Variants in TG observed in about 807,000 individuals in gnomAD.
TG encodes thyroglobulin, also known as thyroid hormones.
TG carries 270 observed loss-of-function variants against 324.7 expected under a neutral mutation model. That is an observed-to-expected ratio of 0.83 (90% CI 0.75 to 0.92). The LOEUF (loss-of-function observed/expected upper bound fraction) is 0.92, where lower values mean the gene tolerates loss of function less well. TG is among the 40% of genes least tolerant of loss of function. The probability of loss-of-function intolerance (pLI) is 0.00; values close to 1 mark genes in which losing one functional copy is unlikely to be tolerated. For missense variants in TG, 3,591 were observed against 3,456.4 expected (o/e 1.04, Z -0.98); for synonymous variants, 1,401 against 1,327.0 (o/e 1.06, Z -1.21).
intron 21 of TG, 81 bp from the exon 22 acceptor site, chr8:132,923,257 C>A: frequency 6.6e-7 from 1 of 1,507,674 alleles, no homozygotes; most frequent in Non-Finnish European, 9.2e-7. Context: ...GACACCTTGT[C>A]AATGACCGAG....
At chr8:133,070,944 A>G (rs963513708) in intron 41 of TG, among the ~76,000 whole-genome samples, 1 of 152,160 alleles carries the variant, frequency 6.6e-6, no homozygotes, top group Non-Finnish European at 1.5e-5. Flanking sequence ...TGTTTCCCCT[A>G]ATTTTATCTA....
At position 132,963,010 on chromosome 8, in the gene TG, T is replaced by C; in HGVS notation, c.5484T>C (p.Ser1828=). Residue 1828 remains serine, a synonymous_variant, in exon 29 of 48, where the codon TCT becomes TCC. Coordinates refer to ENST00000220616, the MANE Select transcript of TG (RefSeq NM_003235.5). The part of the protein sequence containing the change: ...VYLWKDSDMG[S]RPESMGCRKD... ...TCCTCCTAGATTCTGACATGGGGTC[T>C]CGGCCTGAGTCTATGGGATGTAGAA... is the stretch of plus-strand genomic sequence containing the variant. 2.5e-6 allele frequency: 4 copies of C among 1,613,988 alleles called. No individual in the cohort carries two copies. Among genetic ancestry groups the C allele is most frequent in the Non-Finnish European group, 3.4e-6 (4 of 1,179,904 alleles).
At position 132,871,527 on chromosome 8, in the gene TG, C is replaced by T. The variant is rs372138161; in HGVS notation, c.454C>T (p.Arg152Cys). ...AGAGGGGATGGAGGTGTATGGGACC[C>T]GCCAGCTGGGGAGGCCAAAGCGATG... ...DAEGMEVYGT[R>C]QLGRPKRCPR... The change falls in exon 4 of 48, where the codon CGC becomes TGC. Residue 152 changes from arginine (R) to cysteine (C), a missense_variant. Coordinates refer to ENST00000220616, the MANE Select transcript of TG (RefSeq NM_003235.5). The T allele has an allele frequency of 3.4e-5, 55 of 1,613,852 alleles. No homozygotes were observed. Among genetic ancestry groups the T allele is most frequent in the Middle Eastern group, 1.6e-4 (1 of 6,084 alleles).
chr8:132,941,824 G>A (rs186186863), intron 26 of TG, among the ~76,000 whole-genome samples: 17 of 152,294 alleles, frequency 1.1e-4, no homozygotes, highest in African/African-American at 4.1e-4. Context: ...GAGAAACTAA[G>A]GCTCAGATAA....
At chr8:133,116,790 C>T (rs1850730979) in intron 45 of TG, 74 bp downstream of exon 45, 3 of 1,202,144 alleles carry the variant, frequency 2.5e-6, no homozygotes, top group Non-Finnish European at 3.7e-6. Flanking sequence ...ACATGGGACA[C>T]ACCACTTAAC....
chr8:133,118,206 G>C (rs1039000434), intron 45 of TG, among the ~76,000 whole-genome samples: 4 of 151,744 alleles, frequency 2.6e-5, no homozygotes, highest in Non-Finnish European at 5.9e-5. Context: ...CCACCTTCCT[G>C]CCATTCCCCA....
chr8:133,068,832 C>T (rs147946818), intron 41 of TG, among the ~76,000 whole-genome samples: 1,845 of 152,380 alleles, frequency 0.012, 22 homozygotes, highest in Non-Finnish European at 0.018. Flanking sequence ...ACAGAGGCCC[C>T]CAACACAGGG....
At chr8:132,867,484 C>T (rs1839045369) in intron 1 of TG, among the ~76,000 whole-genome samples, 1 of 150,830 alleles carries the variant, frequency 6.6e-6, no homozygotes, top group Non-Finnish European at 1.5e-5. Context: ...TTGGCTCAGC[C>T]ACTTACCCAT....
intron 34 of TG, among the ~76,000 whole-genome samples, chr8:132,978,940 C>A (rs1019947013): frequency 3.9e-5 from 6 of 152,214 alleles, no homozygotes; most frequent in Non-Finnish European, 7.3e-5. Flanking sequence ...AAAGAGCCTG[C>A]AGCCATGGGC....
intron 26 of TG, among the ~76,000 whole-genome samples, chr8:132,947,381 A>G (rs998789975): frequency 2.6e-5 from 4 of 152,176 alleles, no homozygotes; most frequent in African/African-American, 9.7e-5. Flanking sequence ...TTCAGAAACC[A>G]CCATATGAGA....
At chr8:132,960,903 G>T (rs767861703) in intron 27 of TG, 105 bp from the exon 28 acceptor site, 35 of 1,149,028 alleles carry the variant, frequency 3.0e-5, no homozygotes, top group Non-Finnish European at 4.6e-5. Context: ...AGAGTTTTCA[G>T]GCCTAGGAAG....
chr8:132,901,435 G>A lies in TG; in HGVS notation c.3516G>A (p.Glu1172=). The A allele has an allele frequency of 4.3e-6, 7 of 1,614,256 alleles. No individual in the cohort carries two copies. The highest frequency in any genetic ancestry group is 5.9e-6 in the Non-Finnish European group (7 of 1,180,056). The part of the protein sequence containing the change: ...SPGYVPACRA[E]DGGFSPVQCD... Reference sequence around the variant, plus strand: ...GCTATGTCCCAGCCTGCAGGGCAGAGGATGGGGGCTTTTCCCCAGTGCAAT... The same window carrying A: ...GCTATGTCCCAGCCTGCAGGGCAGAAGATGGGGGCTTTTCCCCAGTGCAAT... Residue 1172 remains glutamate (E), a synonymous_variant, in exon 16 of 48, where the codon GAG becomes GAA. Coordinates refer to ENST00000220616, the MANE Select transcript of TG (RefSeq NM_003235.5).
In TG at chr8:133,096,442, G is replaced by T. The variant is rs1257693101; in HGVS notation, c.7572+69G>T. 3 of 1,576,374 alleles carry T rather than the reference G, an allele frequency of 1.9e-6. No homozygotes were observed. The African/African-American group carries it at 4.1e-5, about 21-fold the overall frequency. ...CTAAGGGCTCTGGACCTCAATGTCT[G>T]ACTTGATCAAGAGATATTGACCAAT... On this transcript the variant is annotated intron_variant, in intron 43 of 47. Transcript: ENST00000220616.
chr8:132,972,925 CAAAG>C (rs1020583535), intron 34 of TG, among the ~76,000 whole-genome samples, 184 bp downstream of exon 34: 3 of 152,102 alleles, frequency 2.0e-5, no homozygotes, highest in Admixed American at 6.5e-5. Flanking sequence ...CTCATTGACT[CAAAG>C]GAAGGATGAG....
At chr8:133,028,949 C>T (rs1372176733) in intron 40 of TG, among the ~76,000 whole-genome samples, 4 of 152,078 alleles carry the variant, frequency 2.6e-5, no homozygotes, top group African/African-American at 7.2e-5. Context: ...TGGGCTGGGC[C>T]GCTGACACAC....
chr8:133,110,519 A>AT (rs762379902), intron 43 of TG, among the ~76,000 whole-genome samples: 78 of 152,344 alleles, frequency 5.1e-4, no homozygotes, highest in Non-Finnish European at 1.0e-3. Flanking sequence ...TACACATAGC[A>AT]TTTTTTAAAT....
At chr8:133,108,060 C>T (rs1564199346) in intron 43 of TG, among the ~76,000 whole-genome samples, 1 of 148,426 alleles carries the variant, frequency 6.7e-6, no homozygotes, top group Non-Finnish European at 1.5e-5. Context: ...TGGCTCACTG[C>T]AAGCTCTGTC....
chr8:132,871,332 C>G lies in TG; in HGVS notation c.275-16C>G. On this transcript the variant is annotated splice_polypyrimidine_tract_variant and intron_variant, in intron 3 of 47. Coordinates refer to ENST00000220616, the MANE Select transcript of TG (RefSeq NM_003235.5). ...TTCCCTGCAGTTCTATCTAACATTG[C>G]TCCTTGTACCCACAGGTCTGTCATT... The G allele has an allele frequency of 6.2e-7, 1 of 1,613,912 alleles. No individual in the cohort carries two copies. Among genetic ancestry groups the G allele is most frequent in the Non-Finnish European group, 8.5e-7 (1 of 1,179,754 alleles).
intron 25 of TG, among the ~76,000 whole-genome samples, chr8:132,939,316 C>T (rs571811033): frequency 2.6e-5 from 4 of 152,250 alleles, no homozygotes; most frequent in Middle Eastern, 3.4e-3. Flanking sequence ...GCTATAATTA[C>T]GGCATCAAAC....
Sources: allele counts gnomAD v4.1 joint callset (sites outside exome capture counted in the v4.1 genomes callset), GRCh38; gene constraint gnomAD v4.1.1; transcripts MANE v1.5; gene names NCBI Gene and HGNC (gene_info 2026-07-23, HGNC 2026-07-21).